The following CTR9 variants were observed in gnomAD, a reference collection of about 807,000 sequenced individuals.
CTR9 encodes RNA polymerase-associated protein CTR9 homolog.
Under a neutral mutation model 152.1 loss-of-function variants are expected in CTR9, and 41 were observed. The observed-to-expected ratio is 0.27, with a 90% CI of 0.21 to 0.35. The LOEUF (loss-of-function observed/expected upper bound fraction) is 0.35. Among genes scored for constraint, CTR9 ranks in the 10% least tolerant of loss-of-function variants. The pLI is 1.00. For synonymous variants in CTR9, 476 were observed against 496.2 expected (o/e 0.96, Z 0.54); for missense variants, 917 against 1,424.4 (o/e 0.64, Z 5.73).
chr11:10,756,721 CTG>C (rs748654069), intron 4 of CTR9, 26 bp from the exon 5 acceptor site: 7 of 1,508,882 alleles, frequency 4.6e-6, no homozygotes, highest in African/African-American at 1.4e-5. Flanking sequence ...TAATCAGACA[CTG>C]TGTTTATTTT....
Position 10,767,583 on chromosome 11 carries a change from A to G in CTR9, c.1687-223A>G. ...TTGAGGTGGCCAAATGTAAACTGAA[A>G]GCATTAATTAAAGTGGTGCAATTTT... On this transcript the variant is annotated intron_variant, in intron 13 of 24. Coordinates refer to ENST00000361367, the MANE Select transcript of CTR9 (RefSeq NM_014633.5). The surrounding 1 kb of genome is among the most constrained non-coding windows in gnomAD (Gnocchi z 4.0). 4.1e-6 allele frequency: 2 copies of G among 489,170 alleles called. No homozygotes were observed. The highest frequency in any genetic ancestry group is 7.4e-6 in the Non-Finnish European group (2 of 272,030). The allele number at this position is 489,170 out of a possible 1,614,324, so 30.3% of individuals were successfully genotyped here.
At chr11:10,763,346 G>A in intron 7 of CTR9, 85 bp from the exon 8 acceptor site, 1 of 874,744 alleles carries the variant, frequency 1.1e-6, no homozygotes, top group Non-Finnish European at 1.9e-6. Context: ...TATCTTACAG[G>A]TAAACGAAGT....
At position 10,779,133 on chromosome 11, in the gene CTR9, C is replaced by G; in HGVS notation, c.*28C>G. On this transcript the variant is annotated 3_prime_UTR_variant, in exon 25 of 25. Transcript: ENST00000361367. ...TTTATTTCATCAATAAGCTTCATCT[C>G]TGGAGGAAACTTTTTTAATATATGA... 6.5e-7 allele frequency: 1 copy of G among 1,542,124 alleles called. No homozygotes were observed. Among genetic ancestry groups the G allele is most frequent in the South Asian group, 1.2e-5 (1 of 82,136 alleles).
chr11:10,768,195 G>C (rs1475362076), intron 15 of CTR9, 34 bp downstream of exon 15: 2 of 1,592,148 alleles, frequency 1.3e-6, no homozygotes, highest in African/African-American at 2.7e-5. Flanking sequence ...ATAACAATTT[G>C]TTTCAAATGA....
intron 1 of CTR9, among the ~76,000 whole-genome samples, chr11:10,752,188 A>G (rs1296204579): frequency 6.6e-6 from 1 of 152,162 alleles, no homozygotes; most frequent in African/African-American, 2.4e-5. Flanking sequence ...TAATTCCAGG[A>G]CATTTTCCTA....
rs913736618 is a variant in CTR9, at chr11:10,772,802, G to A, written c.2580+147G>A. The A allele has an allele frequency of 4.4e-5, 37 of 840,636 alleles. No homozygotes were observed. The African/African-American group carries it at 4.8e-4, about 11-fold the overall frequency. The allele number at this position is 840,636 out of a possible 1,614,324, so 52.1% of individuals were successfully genotyped here. On this transcript the variant is annotated intron_variant, in intron 20 of 24. Transcript: ENST00000361367. ...TGGGAGGATGAGGTGGGTGGAGGGC[G>A]GATCACTTGAGGTCAGGAGTTCGAG...
chr11:10,753,965 T>C lies in CTR9; in HGVS notation c.145-993T>C, dbSNP rs1862845163. On this transcript the variant is annotated intron_variant, in intron 2 of 24. Transcript: ENST00000361367. Reference sequence around the variant, plus strand: ...AGATGTTAGCATCTACCTCATAGAGTGGTTGTACAGATTAGAGAATATGTG... The same window carrying C: ...AGATGTTAGCATCTACCTCATAGAGCGGTTGTACAGATTAGAGAATATGTG... Among the ~76,000 whole-genome samples the C allele has an allele frequency of 2.0e-5, 3 of 152,084 alleles. No individual in the cohort carries two copies. The South Asian group carries it at 6.2e-4, about 32-fold the overall frequency.
chr11:10,755,138 C>T lies in CTR9; in HGVS notation c.325C>T (p.Leu109Phe), dbSNP rs778988650. 1 of 1,613,666 alleles carries T rather than the reference C, an allele frequency of 6.2e-7. No homozygotes were observed. Reference protein sequence around the residue: ...KEKNKDNKKDLITQATLLYTM... With the variant: ...KEKNKDNKKDFITQATLLYTM... Reference sequence around the variant, plus strand: ...AAAGAATAAGGACAATAAAAAGGATCTTATTACACAGGCCACCTTGTTGTA... The same window carrying T: ...AAAGAATAAGGACAATAAAAAGGATTTTATTACACAGGCCACCTTGTTGTA... The change falls in exon 3 of 25, where the codon CTT (leucine) becomes TTT (phenylalanine). Residue 109 changes from leucine (L) to phenylalanine (F), a missense_variant. Leu to Phe is a conservative substitution (Grantham distance 22, BLOSUM62 0). Around this residue, in one of 9 missense-constraint regions of CTR9, gnomAD observed 67 missense variants for 106.9 expected, o/e 0.63. Coordinates refer to ENST00000361367, the MANE Select transcript of CTR9 (RefSeq NM_014633.5).
In CTR9 at chr11:10,772,482, A is replaced by G. The variant is rs201991493; in HGVS notation, c.2445-38A>G. ...GATGTGCTGAGTTTTTTAATATAGT[A>G]GTTACATTCATGTTTCTCTAAACCT... is the stretch of plus-strand genomic sequence containing the variant. On this transcript the variant is annotated intron_variant, in intron 19 of 24. Transcript: ENST00000361367. 1.7e-4 allele frequency: 229 copies of G among 1,375,148 alleles called. 1 individual carries two copies. The highest frequency in any genetic ancestry group is 2.1e-4 in the Non-Finnish European group (224 of 1,052,038). 85.2% of individuals were successfully genotyped at this position (1,375,148 alleles called of 1,614,324 possible).
chr11:10,754,346 G>T (rs968606683), intron 2 of CTR9, among the ~76,000 whole-genome samples: 1 of 152,010 alleles, frequency 6.6e-6, no homozygotes, highest in African/African-American at 2.4e-5. Context: ...GAAAATTTTA[G>T]TTAGAAATCA....
At chr11:10,770,721 T>G in intron 18 of CTR9, 89 bp downstream of exon 18, 1 of 1,262,540 alleles carries the variant, frequency 7.9e-7, no homozygotes, top group South Asian at 1.6e-5. Context: ...TCTGAAATGC[T>G]TTGTTTAAAG....
In CTR9 at chr11:10,763,790, A is replaced by G. The variant is rs1863014817; in HGVS notation, c.1105A>G (p.Lys369Glu). 6.2e-7 allele frequency: 1 copy of G among 1,613,920 alleles called. No individual in the cohort carries two copies. The highest frequency in any genetic ancestry group is 1.3e-5 in the African/African-American group (1 of 74,926). Reference sequence around the variant, plus strand: ...ATCTCAGTGCTTTGAGAAGGTTTTGAAAGCTTATCCTAATAATTACGAAAC... The same window carrying G: ...ATCTCAGTGCTTTGAGAAGGTTTTGGAAGCTTATCCTAATAATTACGAAAC... Reference protein sequence around the residue: ...NASQCFEKVLKAYPNNYETMK... With the variant: ...NASQCFEKVLEAYPNNYETMK... The change falls in exon 9 of 25, where the codon AAA (lysine) becomes GAA (glutamate). Residue 369 changes from lysine to glutamate, a missense_variant. By Grantham distance (56) the Lys-to-Glu change is moderately conservative. This residue lies in a region of CTR9 where 133 missense variants were observed against 244.1 expected (regional missense o/e 0.54). Coordinates refer to ENST00000361367, the MANE Select transcript of CTR9 (RefSeq NM_014633.5).
intron 18 of CTR9, among the ~76,000 whole-genome samples, chr11:10,770,924 A>AT (rs562421354): frequency 0.011 from 1,633 of 152,234 alleles, 29 homozygotes; most frequent in African/African-American, 0.035. Flanking sequence ...CTTGCCATAG[A>AT]TTTTTTATTA....
At chr11:10,772,106 G>C (rs1030600874) in intron 19 of CTR9, among the ~76,000 whole-genome samples, 1 of 151,890 alleles carries the variant, frequency 6.6e-6, no homozygotes, top group Non-Finnish European at 1.5e-5. Context: ...CTGTAATCCT[G>C]GCACTTTTGG....
chr11:10,771,975 G>A (rs927529121), intron 19 of CTR9, among the ~76,000 whole-genome samples: 1 of 152,060 alleles, frequency 6.6e-6, no homozygotes, highest in African/African-American at 2.4e-5. Context: ...AACATAGTTG[G>A]CAGTATTGGC....
intron 6 of CTR9, among the ~76,000 whole-genome samples, chr11:10,760,606 A>AT (rs1862961033): frequency 6.6e-6 from 1 of 151,980 alleles, no homozygotes; most frequent in African/African-American, 2.4e-5. Context: ...AAAAAAAAAA[A>AT]ACAGAAAACA....
At position 10,756,831 on chromosome 11, in the gene CTR9, A is replaced by G. The variant is rs138979886; in HGVS notation, c.585A>G (p.Gly195=). ...AGAAAGCATTGCGTACTAACCCAGGATGTCCAGGTAAGAGAAAAATTTTAT... is the reference window on the plus strand; with the variant it reads ...AGAAAGCATTGCGTACTAACCCAGGGTGTCCAGGTAAGAGAAAAATTTTAT... ...YYKKALRTNP[G]CPAEVRLGMG... is the part of the protein sequence containing the mutation. Residue 195 remains glycine (G), a synonymous_variant, in exon 5 of 25, where the codon GGA becomes GGG. Transcript: ENST00000361367. 517 of 1,610,312 alleles carry G rather than the reference A, an allele frequency of 3.2e-4. 4 individuals carry two copies. The East Asian group carries it at 0.011, about 34-fold the overall frequency.
In CTR9 at chr11:10,772,533, T is replaced by C; in HGVS notation, c.2458T>C (p.Leu820=). Residue 820 remains leucine (L), a synonymous_variant, in exon 20 of 25, where the codon TTA becomes CTA. Transcript: ENST00000361367. The part of the protein sequence containing the change: ...AATEARQCSD[L]LSQAQYHVAR... ...GAAATGTTCTAGGCAGTGTTCTGAC[T>C]TACTGAGCCAGGCCCAGTACCATGT... 2 of 1,556,522 alleles carry C rather than the reference T, an allele frequency of 1.3e-6. No individual in the cohort carries two copies. Among genetic ancestry groups the C allele is most frequent in the Non-Finnish European group, 1.7e-6 (2 of 1,153,390 alleles).
chr11:10,769,746 G>A (rs1478387824), intron 16 of CTR9, among the ~76,000 whole-genome samples: 1 of 152,174 alleles, frequency 6.6e-6, no homozygotes, highest in Non-Finnish European at 1.5e-5. Context: ...CACTAGTATT[G>A]TATTGGTTTT....
Sources: gnomAD v4.1 joint callset for allele counts (sites outside exome capture counted in the v4.1 genomes callset) on GRCh38, gnomAD v4.1.1 for gene constraint, gnomAD v4.1.1 regional missense constraint, Gnocchi (gnomAD v3.1) non-coding constraint, MANE v1.5 for transcripts, NCBI Gene and HGNC (gene_info 2026-07-23, HGNC 2026-07-21) for gene names.